Variants in ITGA6 observed in about 807,000 individuals in gnomAD.
The protein encoded by ITGA6 is integrin subunit alpha 6.
A neutral mutation model predicts 133.6 loss-of-function variants in ITGA6; 63 were observed. That is an observed-to-expected ratio of 0.47 (90% CI 0.38 to 0.58). ITGA6 has a LOEUF of 0.58. Among genes scored for constraint, ITGA6 ranks in the 20% least tolerant of loss-of-function variants. The pLI, the probability that ITGA6 is intolerant of heterozygous loss-of-function variation, is 0.00. For missense variants in ITGA6, 1,068 were observed against 1,309.4 expected (o/e 0.82, Z 2.85); for synonymous variants, 434 against 482.0 (o/e 0.90, Z 1.30).
intron 24 of ITGA6, among the ~76,000 whole-genome samples, chr2:172,499,258 T>C (rs1687253699): frequency 1.3e-5 from 2 of 152,332 alleles, no homozygotes; most frequent in Admixed American, 6.5e-5. Flanking sequence ...CCTCCTGGTA[T>C]GGAGTTTTAG....
intron 1 of ITGA6, among the ~76,000 whole-genome samples, chr2:172,454,492 G>T (rs1365300835): frequency 6.6e-6 from 1 of 151,988 alleles, no homozygotes; most frequent in Non-Finnish European, 1.5e-5. Context: ...GTGATGGAGA[G>T]GGTTAACCCA....
In ITGA6 at chr2:172,474,126, G is replaced by T. The variant is rs377193500; in HGVS notation, c.847G>T (p.Ala283Ser). The change falls in exon 6 of 26, where the codon GCC becomes TCC. Residue 283 changes from alanine to serine, a missense_variant. Around this residue, in one of 3 missense-constraint regions of ITGA6, gnomAD observed 317 missense variants for 456.9 expected, o/e 0.69. Transcript: ENST00000684293. ...CACTTTTGTATCTGGTGCTCCCAGA[G>T]CCAATCACAGTGGAGCCGTGGTTTT... is the stretch of plus-strand genomic sequence containing the variant. ...EITFVSGAPR[A>S]NHSGAVVLLK... 1.5e-5 allele frequency: 25 copies of T among 1,613,836 alleles called. No individual in the cohort carries two copies. Among genetic ancestry groups the T allele is most frequent in the Non-Finnish European group, 1.9e-5 (23 of 1,179,956 alleles).
Position 172,484,891 on chromosome 2 carries a change from T to A in ITGA6, c.1659T>A (p.Thr553=). 6.2e-7 allele frequency: 1 copy of A among 1,614,126 alleles called. No individual in the cohort carries two copies. The highest frequency in any genetic ancestry group is 8.5e-7 in the Non-Finnish European group (1 of 1,179,996). Residue 553 remains threonine (T), a synonymous_variant, in exon 12 of 26, where the codon ACT becomes ACA. Transcript: ENST00000684293. ...AGCCCAAATATACTCAAGAACTAACTCTGAAGAGGCAGAAACAGAAAGTGT... is the reference window on the plus strand; with the variant it reads ...AGCCCAAATATACTCAAGAACTAACACTGAAGAGGCAGAAACAGAAAGTGT... ...GSEPKYTQEL[T]LKRQKQKVCM...
In ITGA6 at chr2:172,488,139, T is replaced by C; in HGVS notation, c.2416T>C (p.Ser806Pro). Residue 806 changes from serine (S) to proline (P), a missense_variant, in exon 19 of 26, where the codon TCC becomes CCC. This residue lies in a region of ITGA6 where 609 missense variants were observed against 707.2 expected (regional missense o/e 0.86). Coordinates refer to ENST00000684293, the MANE Select transcript of ITGA6 (RefSeq NM_000210.4). ...TTAATTTGACAGAGTTGCTAAACCT[T>C]CCCAGGTGTATTTTGGAGGTACAGT... The part of the protein sequence containing the change: ...LLSVSGVAKP[S>P]QVYFGGTVVG... The C allele has an allele frequency of 6.2e-7, 1 of 1,614,046 alleles. No individual in the cohort carries two copies. The highest frequency in any genetic ancestry group is 8.5e-7 in the Non-Finnish European group (1 of 1,179,906).
At chr2:172,485,386 G>A in intron 13 of ITGA6, 122 bp downstream of exon 13, 1 of 890,296 alleles carries the variant, frequency 1.1e-6, no homozygotes, top group Non-Finnish European at 1.9e-6. Flanking sequence ...GTGTTAATAT[G>A]TTTTTAATGT....
chr2:172,463,232 C>G (rs1335735764), intron 1 of ITGA6, among the ~76,000 whole-genome samples: 1 of 152,148 alleles, frequency 6.6e-6, no homozygotes, highest in African/African-American at 2.4e-5. Flanking sequence ...AAGCCCTGTG[C>G]CTGCCTTAGG....
upstream of ITGA6, chr2:172,427,413 C>T (rs149424078): frequency 3.2e-3 from 3,286 of 1,025,832 alleles, 78 homozygotes; most frequent in African/African-American, 0.047. Context: ...GCCTCCGGGG[C>T]TCCCACGTCG....
At position 172,504,091 on chromosome 2, in the gene ITGA6, T is replaced by G; in HGVS notation, c.*23T>G. On this transcript the variant is annotated splice_region_variant and 3_prime_UTR_variant, in exon 26 of 26. Coordinates refer to ENST00000684293, the MANE Select transcript of ITGA6 (RefSeq NM_000210.4). ...CTCTTTCTCTTTCCCTCTTCTCTAG[T>G]GTGGATTCTTTAAACGCTCTAGGTA... The G allele has an allele frequency of 6.3e-7, 1 of 1,577,844 alleles. No individual in the cohort carries two copies. Among genetic ancestry groups the G allele is most frequent in the Non-Finnish European group, 8.6e-7 (1 of 1,163,216 alleles).
intron 1 of ITGA6, among the ~76,000 whole-genome samples, chr2:172,455,495 TG>T (rs1685173404): frequency 6.6e-6 from 1 of 152,200 alleles, no homozygotes; most frequent in East Asian, 1.9e-4. Flanking sequence ...AGCAAGAGTG[TG>T]AATTTCACAT....
chr2:172,492,624 G>C (rs773410807), intron 23 of ITGA6, among the ~76,000 whole-genome samples: 3 of 152,042 alleles, frequency 2.0e-5, no homozygotes, highest in Non-Finnish European at 2.9e-5. Flanking sequence ...CAATAGTGAG[G>C]GGTTCCCTGT....
At chr2:172,466,052 TA>T in intron 2 of ITGA6, 1 of 329,630 alleles carries the variant, frequency 3.0e-6, no homozygotes, top group Non-Finnish European at 5.9e-6. Context: ...AAGACAGTTT[TA>T]AATATCAGAC....
intron 23 of ITGA6, among the ~76,000 whole-genome samples, chr2:172,494,106 T>C (rs753524121): frequency 7.2e-5 from 11 of 152,224 alleles, no homozygotes; most frequent in Admixed American, 2.6e-4. Flanking sequence ...AGATGTCATA[T>C]CTGCACATTT....
At chr2:172,451,460 C>CT (rs1461250726) in intron 1 of ITGA6, among the ~76,000 whole-genome samples, 2 of 131,742 alleles carry the variant, frequency 1.5e-5, no homozygotes, top group Non-Finnish European at 3.1e-5. Context: ...GCGAGACTAT[C>CT]TTAAAAAAAA....
At chr2:172,499,308 C>T (rs115256462) in intron 24 of ITGA6, among the ~76,000 whole-genome samples, 2,279 of 152,182 alleles carry the variant, frequency 0.015, 48 homozygotes, top group African/African-American at 0.051. Context: ...CAGTAGGTTC[C>T]TCTGGCACAC....
intron 1 of ITGA6, among the ~76,000 whole-genome samples, chr2:172,440,436 A>G (rs1684493765): frequency 6.6e-6 from 1 of 152,224 alleles, no homozygotes; most frequent in South Asian, 2.1e-4. Flanking sequence ...TAACCATTTT[A>G]AAGTGTATGA....
At chr2:172,466,279 G>A (rs1023119541) in intron 2 of ITGA6, among the ~76,000 whole-genome samples, 33 of 152,188 alleles carry the variant, frequency 2.2e-4, no homozygotes, top group African/African-American at 8.0e-4. Flanking sequence ...AAGTAGATTT[G>A]CAGATTCGTG....
At position 172,487,646 on chromosome 2, in the gene ITGA6, A is replaced by C. The variant is rs10221599; in HGVS notation, c.2244+16A>C. On this transcript the variant is annotated intron_variant, in intron 16 of 25. Transcript: ENST00000684293. ...AAATTCAAATGTAGGTGATGCCTTCATATACTGTATTTTACTGTTTTAAAT... is the reference window on the plus strand; with the variant it reads ...AAATTCAAATGTAGGTGATGCCTTCCTATACTGTATTTTACTGTTTTAAAT... 4.0e-3 allele frequency: 6,515 copies of C among 1,610,402 alleles called. 207 individuals are homozygous for C. In the African/African-American group the frequency reaches 0.075, roughly 19 times the overall value.
intron 1 of ITGA6, among the ~76,000 whole-genome samples, chr2:172,441,621 G>A (rs1200204624): frequency 6.9e-6 from 1 of 145,874 alleles, no homozygotes; most frequent in East Asian, 2.1e-4. Flanking sequence ...TAAGACACAG[G>A]TGTTTTCATC....
Position 172,485,208 on chromosome 2 carries a change from C to A in ITGA6, c.1798C>A (p.Leu600Ile). The change falls in exon 13 of 26, where the codon CTT becomes ATT. Residue 600 changes from leucine (L) to isoleucine (I), a missense_variant. Leu to Ile is a conservative substitution (Grantham distance 5). This residue lies in a region of ITGA6 where 609 missense variants were observed against 707.2 expected (regional missense o/e 0.86). Transcript: ENST00000684293. ...EPSSRRRVNS[L>I]PEVLPILNSD... ...AAGCTCTCGTAGGCGAGTGAATTCA[C>A]TTCCAGAAGTTCTTCCAATTCTGAA... The A allele has an allele frequency of 6.2e-7, 1 of 1,613,944 alleles. No homozygotes were observed. Among genetic ancestry groups the A allele is most frequent in the African/African-American group, 1.3e-5 (1 of 75,062 alleles).
Sources: gnomAD v4.1 joint callset for allele counts (sites outside exome capture counted in the v4.1 genomes callset) on GRCh38, gnomAD v4.1.1 for gene constraint, gnomAD v4.1.1 regional missense constraint, MANE v1.5 for transcripts, NCBI Gene and HGNC (gene_info 2026-07-23, HGNC 2026-07-21) for gene names.